PLEKHF2: variants seen among roughly 807,000 people sequenced by gnomAD.
PLEKHF2 encodes the protein pleckstrin homology domain-containing family F member 2.
Under a neutral mutation model 14.7 loss-of-function variants are expected in PLEKHF2, and 4 were observed. The observed-to-expected ratio is 0.27, with a 90% CI of 0.13 to 0.62. The LOEUF is 0.62. PLEKHF2 is among the 20% of genes least tolerant of loss of function. The pLI is 0.85. For synonymous variants in PLEKHF2, 90 were observed against 103.5 expected (o/e 0.87, Z 0.79); for missense variants, 201 against 307.7 (o/e 0.65, Z 2.60).
At chr8:95,143,995 T>G (rs1308972563) in intron 1 of PLEKHF2, among the ~76,000 whole-genome samples, 1 of 152,196 alleles carries the variant, frequency 6.6e-6, no homozygotes, top group Non-Finnish European at 1.5e-5. Context: ...TAAACTTTTT[T>G]TAAAACATTA....
At chr8:95,152,978 A>T (rs1342666865) in intron 1 of PLEKHF2, among the ~76,000 whole-genome samples, 1 of 152,194 alleles carries the variant, frequency 6.6e-6, no homozygotes, top group African/African-American at 2.4e-5. Flanking sequence ...AGTGAAGTCA[A>T]TATTGGACTT....
chr8:95,144,863 T>G (rs1810478249), intron 1 of PLEKHF2, among the ~76,000 whole-genome samples: 1 of 105,700 alleles, frequency 9.5e-6, no homozygotes, highest in South Asian at 2.8e-4. Flanking sequence ...AAACTCTGTC[T>G]CAAGAAAAAA....
Position 95,154,152 on chromosome 8 carries a change from T to C in PLEKHF2, c.108T>C (p.Leu36=). 1 of 1,613,990 alleles carries C rather than the reference T, an allele frequency of 6.2e-7. No homozygotes were observed. The highest frequency in any genetic ancestry group is 8.5e-7 in the Non-Finnish European group (1 of 1,179,938). ...CTTTAACTATACCTGGACGAGTTCT[T>C]ATTGGAGAAGGAGTATTGACTAAGT... ...GQPLTIPGRV[L]IGEGVLTKLC... is the part of the protein sequence containing the mutation. Residue 36 remains leucine, a synonymous_variant, in exon 2 of 2, where the codon CTT becomes CTC. Transcript: ENST00000315367. The surrounding 1 kb of genome is among the most constrained non-coding windows in gnomAD (Gnocchi z 5.6).
intron 1 of PLEKHF2, among the ~76,000 whole-genome samples, chr8:95,149,426 A>C (rs771884978): frequency 6.6e-6 from 1 of 152,202 alleles, no homozygotes; most frequent in Non-Finnish European, 1.5e-5. Flanking sequence ...TGAGAAGAAA[A>C]GCGTAATACC....
chr8:95,140,723 C>G (rs1334690252), intron 1 of PLEKHF2, among the ~76,000 whole-genome samples: 1 of 152,170 alleles, frequency 6.6e-6, no homozygotes, highest in Non-Finnish European at 1.5e-5. Context: ...AGACCTGTTC[C>G]TAGATGTTCT....
chr8:95,135,321 G>A (rs1810363920), intron 1 of PLEKHF2, among the ~76,000 whole-genome samples: 1 of 152,190 alleles, frequency 6.6e-6, no homozygotes. Flanking sequence ...AATTCTTGGA[G>A]AATTTTACTT....
intron 1 of PLEKHF2, among the ~76,000 whole-genome samples, chr8:95,138,088 C>G (rs1810395681): frequency 6.6e-6 from 1 of 152,050 alleles, no homozygotes; most frequent in Non-Finnish European, 1.5e-5. Context: ...AGTTTTCTAC[C>G]TTTGTCCCTG....
In PLEKHF2 at chr8:95,155,061, G is replaced by T. The variant is rs144194148; in HGVS notation, c.*267G>T. 106 of 414,880 alleles carry T rather than the reference G, an allele frequency of 2.6e-4. No homozygotes were observed. The highest frequency in any genetic ancestry group is 3.4e-4 in the Non-Finnish European group (76 of 223,342). The allele number at this position is 414,880 out of a possible 1,614,324, so 25.7% of individuals were successfully genotyped here. On this transcript the variant is annotated 3_prime_UTR_variant, in exon 2 of 2. Transcript: ENST00000315367. The stretch of plus-strand genomic sequence containing the variant: ...TATTTTTAGGTTATTTTCTTGGAAG[G>T]TTGGGAAAAGATGTTTGTTTTAACA...
In PLEKHF2 at chr8:95,156,463, GTTTGT is replaced by G. The variant is rs1810621157; in HGVS notation, c.*1673_*1677del. On this transcript the variant is annotated 3_prime_UTR_variant, in exon 2 of 2. Transcript: ENST00000315367. ...TTGCTTGCTTTTATGATTTTTTTTG[GTTTGT>G]TTTAATATCAGGTGGATTTTTGTTT... The G allele has an allele frequency of 6.0e-6, 1 of 166,660 alleles. No individual in the cohort carries two copies. Among genetic ancestry groups the G allele is most frequent in the African/African-American group, 2.4e-5 (1 of 41,362 alleles). The allele number at this position is 166,660 out of a possible 1,614,324, so 10.3% of individuals were successfully genotyped here.
intron 1 of PLEKHF2, among the ~76,000 whole-genome samples, chr8:95,136,333 T>TATACAC (rs1491441131): frequency 3.2e-5 from 4 of 124,016 alleles, no homozygotes; most frequent in Middle Eastern, 4.2e-3. Flanking sequence ...TTATTATATA[T>TATACAC]ACACACACAC....
At chr8:95,148,077 C>T (rs747260590) in intron 1 of PLEKHF2, among the ~76,000 whole-genome samples, 36 of 151,638 alleles carry the variant, frequency 2.4e-4, no homozygotes, top group Admixed American at 2.6e-4. Context: ...AAATAATACA[C>T]GTTCATGCAT....
chr8:95,135,899 T>C (rs886833776), intron 1 of PLEKHF2, among the ~76,000 whole-genome samples: 4 of 152,322 alleles, frequency 2.6e-5, no homozygotes, highest in Admixed American at 1.3e-4. Flanking sequence ...TAAATACTTA[T>C]TTCCCAGCGA....
intron 1 of PLEKHF2, among the ~76,000 whole-genome samples, chr8:95,141,464 A>AT (rs765279529): frequency 6.6e-6 from 1 of 151,960 alleles, no homozygotes; most frequent in Non-Finnish European, 1.5e-5. Context: ...ATTTTGTGTT[A>AT]TTTTTCCCCC....
chr8:95,150,593 TAAAC>T (rs1172384779), intron 1 of PLEKHF2, among the ~76,000 whole-genome samples: 1 of 152,158 alleles, frequency 6.6e-6, no homozygotes, highest in African/African-American at 2.4e-5. Flanking sequence ...GCATCATTAT[TAAAC>T]AGGGAGAAAG....
chr8:95,151,340 G>T (rs995163442), intron 1 of PLEKHF2, among the ~76,000 whole-genome samples: 1 of 151,770 alleles, frequency 6.6e-6, no homozygotes, highest in Admixed American at 6.6e-5. Flanking sequence ...GTTGATTCAG[G>T]TGGAGAGAAA....
intron 1 of PLEKHF2, among the ~76,000 whole-genome samples, chr8:95,146,316 T>C (rs1045062997): frequency 1.3e-5 from 2 of 152,194 alleles, no homozygotes; most frequent in African/African-American, 4.8e-5. Context: ...TTTTTCACTA[T>C]AATGCACAGT....
intron 1 of PLEKHF2, among the ~76,000 whole-genome samples, chr8:95,152,141 C>A (rs149427994): frequency 9.2e-5 from 14 of 152,186 alleles, no homozygotes; most frequent in African/African-American, 2.4e-4. Flanking sequence ...GGAAGTTCAT[C>A]TCTTTTCCCC....
rs975993118 is a variant in PLEKHF2, at chr8:95,154,548, T to C, written c.504T>C (p.Pro168=). The change falls in exon 2 of 2, where the codon CCT becomes CCC. Residue 168 remains proline, a synonymous_variant. Transcript: ENST00000315367. This position sits in a 1 kb window ranked among gnomAD's most constrained non-coding sequence, Gnocchi z 5.6. ...GTTGTCAGAAAGCAAAATTCACACC[T>C]GTTAATCGTCGCCACCATTGCCGCA... ...CMRCQKAKFT[P]VNRRHHCRKC... is the part of the protein sequence containing the mutation. 6.2e-7 allele frequency: 1 copy of C among 1,614,184 alleles called. No individual in the cohort carries two copies. The highest frequency in any genetic ancestry group is 1.7e-5 in the Admixed American group (1 of 60,026).
At chr8:95,152,056 A>T (rs1326319714) in intron 1 of PLEKHF2, among the ~76,000 whole-genome samples, 1 of 152,134 alleles carries the variant, frequency 6.6e-6, no homozygotes, top group Non-Finnish European at 1.5e-5. Context: ...TGAGTTGCAC[A>T]TAAATATGTC....
Sources: allele counts gnomAD v4.1 joint callset (sites outside exome capture counted in the v4.1 genomes callset), GRCh38; gene constraint gnomAD v4.1.1; non-coding constraint Gnocchi (gnomAD v3.1); transcripts MANE v1.5; gene names NCBI Gene and HGNC (gene_info 2026-07-23, HGNC 2026-07-21).